Variants in ZMAT5 observed in about 807,000 individuals in gnomAD.
ZMAT5 encodes the protein zinc finger matrin-type 5, also known as zinc finger matrin-type protein 5.
A neutral mutation model predicts 28.0 loss-of-function variants in ZMAT5; 23 were observed. The ratio of observed to expected loss-of-function variants is 0.82; its 90% CI spans 0.59 to 1.16. The LOEUF is 1.16. Ranked by LOEUF, ZMAT5 falls within the 50% of genes most tolerant of loss-of-function variation. The probability of loss-of-function intolerance (pLI) is 0.00; values close to 1 mark genes in which losing one functional copy is unlikely to be tolerated. For synonymous variants in ZMAT5, 76 were observed against 84.1 expected (o/e 0.90, Z 0.52); for missense variants, 173 against 212.7 (o/e 0.81, Z 1.16).
At chr22:29,737,047 G>C (rs563996095) in intron 5 of ZMAT5, among the ~76,000 whole-genome samples, 1 of 140,298 alleles carries the variant, frequency 7.1e-6, no homozygotes, top group African/African-American at 2.7e-5. Flanking sequence ...AAAAAGCCGA[G>C]TGTGGTGGCT....
At chr22:29,764,150 A>C (rs1387594285) in intron 1 of ZMAT5, among the ~76,000 whole-genome samples, 1 of 152,130 alleles carries the variant, frequency 6.6e-6, no homozygotes, top group Non-Finnish European at 1.5e-5. Context: ...TACAAAAATA[A>C]AACATAATAA....
chr22:29,753,465 C>T (rs1211038512), intron 1 of ZMAT5, among the ~76,000 whole-genome samples: 1 of 152,092 alleles, frequency 6.6e-6, no homozygotes, highest in African/African-American at 2.4e-5. Context: ...GCAGAGGTTG[C>T]AGTAAGCAGA....
At chr22:29,747,193 G>C (rs1353475118) in intron 2 of ZMAT5, 1 of 152,216 alleles carries the variant, frequency 6.6e-6, no homozygotes, top group Non-Finnish European at 1.5e-5. Flanking sequence ...CTGCCCTAGA[G>C]AGTTGTCGAG....
At position 29,756,225 on chromosome 22, in the gene ZMAT5, T is replaced by C. The variant is rs144378792; in HGVS notation, c.-27-7654A>G. Among the ~76,000 whole-genome samples, 4 of 152,326 alleles carry C rather than the reference T, an allele frequency of 2.6e-5. No individual in the cohort carries two copies. The East Asian group carries it at 7.7e-4, about 29-fold the overall frequency. Reference sequence around the variant, plus strand: ...AAACCACAGCCAGAGGACGGCTTTATTGCACGCCCACTAGGAGCTCGGTAA... The same window carrying C: ...AAACCACAGCCAGAGGACGGCTTTACTGCACGCCCACTAGGAGCTCGGTAA... On this transcript the variant is annotated intron_variant, in intron 1 of 5. Transcript: ENST00000344318.
At chr22:29,734,395 C>G (rs1000657441) in intron 5 of ZMAT5, among the ~76,000 whole-genome samples, 2 of 152,230 alleles carry the variant, frequency 1.3e-5, no homozygotes, top group African/African-American at 4.8e-5. Flanking sequence ...GGGCAGCTCT[C>G]TGTGCCTTGT....
chr22:29,739,907 G>T (rs2067945662), intron 4 of ZMAT5, among the ~76,000 whole-genome samples: 2 of 152,254 alleles, frequency 1.3e-5, no homozygotes, highest in African/African-American at 4.8e-5. Context: ...CCCGTAGGGG[G>T]ATCAGGGCAA....
intron 3 of ZMAT5, among the ~76,000 whole-genome samples, chr22:29,741,162 G>A (rs760006543): frequency 1.2e-4 from 18 of 152,192 alleles, no homozygotes; most frequent in Non-Finnish European, 2.4e-4. Context: ...CCTGGCTCAC[G>A]GGAGCAATTG....
At chr22:29,763,509 G>GGA (rs1214493695) in intron 1 of ZMAT5, among the ~76,000 whole-genome samples, 1 of 145,264 alleles carries the variant, frequency 6.9e-6, no homozygotes, top group Non-Finnish European at 1.5e-5. Flanking sequence ...GGCTGAGGCA[G>GGA]GAGAATTACT....
At chr22:29,752,450 G>A (rs917512917) in intron 1 of ZMAT5, among the ~76,000 whole-genome samples, 1 of 152,090 alleles carries the variant, frequency 6.6e-6, no homozygotes, top group Non-Finnish European at 1.5e-5. Flanking sequence ...TCAGCTCAGG[G>A]CCATGGCTGC....
chr22:29,754,059 G>A (rs960971017), intron 1 of ZMAT5, among the ~76,000 whole-genome samples: 1 of 152,006 alleles, frequency 6.6e-6, no homozygotes, highest in Non-Finnish European at 1.5e-5. Flanking sequence ...CTTGCACAAG[G>A]TGCAACCTGC....
intron 5 of ZMAT5, among the ~76,000 whole-genome samples, chr22:29,738,047 G>A (rs889706756): frequency 2.6e-5 from 4 of 152,116 alleles, no homozygotes; most frequent in African/African-American, 7.2e-5. Flanking sequence ...CTCTGGCAAC[G>A]GACTTGTGAC....
At chr22:29,742,791 GT>G (rs1332875906) in intron 2 of ZMAT5, among the ~76,000 whole-genome samples, 2 of 151,964 alleles carry the variant, frequency 1.3e-5, no homozygotes, top group Non-Finnish European at 2.9e-5. Flanking sequence ...GGGACTTTGG[GT>G]TTTTTTGTTT....
chr22:29,765,925 G>A (rs1216364335), intron 1 of ZMAT5, among the ~76,000 whole-genome samples: 1 of 152,050 alleles, frequency 6.6e-6, no homozygotes, highest in Admixed American at 6.6e-5. Context: ...TCCCCCTTGC[G>A]GTCCACTCTC....
chr22:29,740,369 G>A (rs1217351778), intron 4 of ZMAT5, among the ~76,000 whole-genome samples: 1 of 152,096 alleles, frequency 6.6e-6, no homozygotes, highest in Non-Finnish European at 1.5e-5. Flanking sequence ...TGCTGGGCTG[G>A]CCACAGGGTC....
At position 29,748,654 on chromosome 22, in the gene ZMAT5, G is replaced by A. The variant is rs918911511; in HGVS notation, c.-27-83C>T. On this transcript the variant is annotated intron_variant, in intron 1 of 5. Coordinates refer to ENST00000344318, the MANE Select transcript of ZMAT5 (RefSeq NM_001003692.2). ...CCCACTGAATGCTTCCTGAGGGCCA[G>A]GCCTGAGCCCAGGCTTTACTCATAT... 45 of 1,542,594 alleles carry A rather than the reference G, an allele frequency of 2.9e-5. No homozygotes were observed. In the South Asian group the frequency reaches 3.9e-4, roughly 13 times the overall value.
chr22:29,746,319 T>C (rs952902446), intron 2 of ZMAT5: 2 of 152,138 alleles, frequency 1.3e-5, no homozygotes, highest in Non-Finnish European at 2.9e-5. Context: ...CAGCTAATGT[T>C]TGTATTTTTA....
chr22:29,759,078 C>T (rs1231205005), intron 1 of ZMAT5, among the ~76,000 whole-genome samples: 2 of 152,162 alleles, frequency 1.3e-5, no homozygotes, highest in East Asian at 1.9e-4. Flanking sequence ...CCTAGCACAC[C>T]CCAAGGCCTG....
intron 4 of ZMAT5, among the ~76,000 whole-genome samples, chr22:29,738,642 A>C (rs112645421): frequency 0.013 from 2,015 of 152,060 alleles, 45 homozygotes; most frequent in African/African-American, 0.044. Flanking sequence ...CTGTTTTCCC[A>C]TCAAATAGAG....
intron 1 of ZMAT5, among the ~76,000 whole-genome samples, chr22:29,764,912 G>A (rs1179594767): frequency 6.6e-6 from 1 of 152,046 alleles, no homozygotes; most frequent in South Asian, 2.1e-4. Context: ...TGGGATTATA[G>A]GTGTGAGGCA....
Sources: allele counts gnomAD v4.1 joint callset (sites outside exome capture counted in the v4.1 genomes callset), GRCh38; gene constraint gnomAD v4.1.1; transcripts MANE v1.5; gene names NCBI Gene and HGNC (gene_info 2026-07-23, HGNC 2026-07-21).